Variants in PLCL1 observed in about 807,000 individuals in gnomAD.
PLCL1 encodes phospholipase C like 1 (inactive), also known as inactive phospholipase C-like protein 1.
Under a neutral mutation model 84.4 loss-of-function variants are expected in PLCL1, and 41 were observed. That is an observed-to-expected ratio of 0.49 (90% CI 0.38 to 0.63). PLCL1 has a LOEUF of 0.63. Ranked by LOEUF, PLCL1 falls within the 30% of genes least tolerant of loss-of-function variation. The probability of loss-of-function intolerance (pLI) is 0.00; values close to 1 mark genes in which losing one functional copy is unlikely to be tolerated. For synonymous variants in PLCL1, 490 were observed against 488.3 expected (o/e 1.00, Z -0.05); for missense variants, 1,206 against 1,367.8 (o/e 0.88, Z 1.87).
intron 1 of PLCL1, among the ~76,000 whole-genome samples, chr2:197,897,095 ACTCCTT>A (rs1559038390): frequency 8.1e-5 from 12 of 148,136 alleles, no homozygotes; most frequent in African/African-American, 2.7e-4. Context: ...TAGAAGTATG[ACTCCTT>A]CTTCTTCTTC....
chr2:198,038,441 T>G (rs1218802060), intron 1 of PLCL1, among the ~76,000 whole-genome samples: 1 of 152,170 alleles, frequency 6.6e-6, no homozygotes, highest in East Asian at 1.9e-4. Context: ...TATATATACA[T>G]AGTTCATGGC....
intron 1 of PLCL1, among the ~76,000 whole-genome samples, chr2:198,030,578 GATAATCATAGTAGTTATC>G (rs1383600498): frequency 6.6e-6 from 1 of 152,184 alleles, no homozygotes; most frequent in East Asian, 1.9e-4. Flanking sequence ...ATAGTATGAT[GATAATCATAGTAGTTATC>G]ATTTTCTGGC....
chr2:198,038,844 C>CAAAA (rs11299150), intron 1 of PLCL1, among the ~76,000 whole-genome samples: 1 of 120,408 alleles, frequency 8.3e-6, no homozygotes, highest in Non-Finnish European at 1.7e-5. Flanking sequence ...CATTAAAGGT[C>CAAAA]AAAAAAAAAA....
At chr2:198,124,650 C>T (rs892253154) in intron 5 of PLCL1, among the ~76,000 whole-genome samples, 2 of 152,056 alleles carry the variant, frequency 1.3e-5, no homozygotes, top group Non-Finnish European at 2.9e-5. Flanking sequence ...TCAACAAACA[C>T]AAACAAAATC....
rs1692811879 is a variant in PLCL1 at position 198,084,642 on chromosome 2, T to C, written c.1125T>C (p.Asp375=). 2 of 1,614,020 alleles carry C rather than the reference T, an allele frequency of 1.2e-6. No homozygotes were observed. The highest frequency in any genetic ancestry group is 1.7e-6 in the Non-Finnish European group (2 of 1,179,996). Residue 375 remains aspartate (D), a synonymous_variant, in exon 2 of 6, where the codon GAT becomes GAC. Transcript: ENST00000428675. ...EGRQKGFLAI[D]GFTQYLLSSE... ...GTCAAAAAGGGTTTCTTGCAATTGATGGCTTTACCCAGTATTTATTGTCAT... is the reference window on the plus strand; with the variant it reads ...GTCAAAAAGGGTTTCTTGCAATTGACGGCTTTACCCAGTATTTATTGTCAT...
At chr2:197,878,099 AT>A (rs1687770616) in intron 1 of PLCL1, among the ~76,000 whole-genome samples, 1 of 152,172 alleles carries the variant, frequency 6.6e-6, no homozygotes, top group Admixed American at 6.6e-5. Context: ...ATGCAATAAA[AT>A]GGTATCTATG....
At chr2:197,962,471 C>T (rs1046665379) in intron 1 of PLCL1, among the ~76,000 whole-genome samples, 3 of 151,938 alleles carry the variant, frequency 2.0e-5, no homozygotes, top group African/African-American at 7.3e-5. Flanking sequence ...TTTGTGGGTA[C>T]ACAGTAGGTA....
intron 1 of PLCL1, chr2:198,002,109 C>A (rs113221679): frequency 8.2e-6 from 2 of 244,348 alleles, no homozygotes; most frequent in South Asian, 5.1e-5. Context: ...AAACCATCTC[C>A]ACCCCCTGGT....
intron 1 of PLCL1, among the ~76,000 whole-genome samples, chr2:197,897,176 TC>T (rs1325312635): frequency 8.9e-5 from 4 of 44,932 alleles, no homozygotes; most frequent in African/African-American, 3.9e-4. Context: ...TTCTTCTTCT[TC>T]TTCTTCTTCT....
chr2:197,996,990 G>A (rs112078468), intron 1 of PLCL1, among the ~76,000 whole-genome samples: 4 of 152,150 alleles, frequency 2.6e-5, no homozygotes, highest in African/African-American at 7.2e-5. Flanking sequence ...GTGAGGTGGC[G>A]GGAGAGGGAA....
chr2:197,886,411 CAAAAAAA>C (rs61183744), intron 1 of PLCL1, among the ~76,000 whole-genome samples: 6 of 77,082 alleles, frequency 7.8e-5, no homozygotes, highest in Non-Finnish European at 1.1e-4. Flanking sequence ...GACTCTGTCT[CAAAAAAA>C]AAAAAAAAAA....
chr2:197,889,423 A>G (rs184727017), intron 1 of PLCL1, among the ~76,000 whole-genome samples: 38 of 152,170 alleles, frequency 2.5e-4, no homozygotes, highest in Non-Finnish European at 4.4e-4. Context: ...TATGATTTTG[A>G]GCTGCTTTAA....
intron 1 of PLCL1, among the ~76,000 whole-genome samples, chr2:198,003,239 T>C (rs1206810782): frequency 6.6e-6 from 1 of 151,920 alleles, no homozygotes; most frequent in Non-Finnish European, 1.5e-5. Context: ...ACTTTACAAT[T>C]TTTTTTAATA....
chr2:198,016,863 G>A (rs1471169272), intron 1 of PLCL1, among the ~76,000 whole-genome samples: 3 of 152,088 alleles, frequency 2.0e-5, no homozygotes, highest in Non-Finnish European at 4.4e-5. Flanking sequence ...CTTGTGCCTT[G>A]CAGAGTCCTC....
At chr2:198,039,278 T>C (rs1324035602) in intron 1 of PLCL1, among the ~76,000 whole-genome samples, 2 of 152,180 alleles carry the variant, frequency 1.3e-5, no homozygotes, top group Non-Finnish European at 2.9e-5. Flanking sequence ...TTCTAAACTC[T>C]AGTGATCTAT....
chr2:198,093,649 A>G (rs1693111171), intron 3 of PLCL1, among the ~76,000 whole-genome samples: 1 of 152,174 alleles, frequency 6.6e-6, no homozygotes, highest in Non-Finnish European at 1.5e-5. Flanking sequence ...TTTCTTGAAA[A>G]TGGTAATGAA....
intron 1 of PLCL1, among the ~76,000 whole-genome samples, chr2:197,971,645 C>T (rs963352415): frequency 5.9e-5 from 9 of 152,292 alleles, no homozygotes; most frequent in Non-Finnish European, 1.3e-4. Context: ...TGCATAAAAT[C>T]ACATATTATG....
intron 2 of PLCL1, among the ~76,000 whole-genome samples, chr2:198,088,656 A>G (rs1692944167): frequency 6.6e-6 from 1 of 152,204 alleles, no homozygotes; most frequent in African/African-American, 2.4e-5. Flanking sequence ...TTTGAAAAGC[A>G]CTGCATAGCC....
intron 1 of PLCL1, among the ~76,000 whole-genome samples, chr2:197,978,898 A>T (rs982461231): frequency 1.3e-5 from 2 of 152,198 alleles, no homozygotes; most frequent in African/African-American, 4.8e-5. Flanking sequence ...CCATGCAGAT[A>T]TGGGGAGAAC....
Sources: gnomAD v4.1 joint callset for allele counts (sites outside exome capture counted in the v4.1 genomes callset) on GRCh38, gnomAD v4.1.1 for gene constraint, MANE v1.5 for transcripts, NCBI Gene and HGNC (gene_info 2026-07-23, HGNC 2026-07-21) for gene names.